FRMD5: variants seen among roughly 807,000 people sequenced by gnomAD.
FRMD5 encodes FERM domain containing 5, also known as FERM domain-containing protein 5.
A neutral mutation model predicts 69.0 loss-of-function variants in FRMD5; 20 were observed. That is an observed-to-expected ratio of 0.29 (90% CI 0.20 to 0.42). The LOEUF (loss-of-function observed/expected upper bound fraction) is 0.42, where lower values mean the gene tolerates loss of function less well. Among genes scored for constraint, FRMD5 ranks in the 10% least tolerant of loss-of-function variants. FRMD5 has a pLI of 1.00. For missense variants in FRMD5, 595 were observed against 708.6 expected, an observed-to-expected ratio of 0.84 and a Z score of 1.82; for synonymous variants, 271 against 260.1, an observed-to-expected ratio of 1.04 and a Z score of -0.40.
chr15:44,096,099 G>T (rs563815886), intron 1 of FRMD5, among the ~76,000 whole-genome samples: 2 of 151,234 alleles, frequency 1.3e-5, no homozygotes, highest in Non-Finnish European at 1.5e-5. Flanking sequence ...CAAGATATTC[G>T]GGAGGCTGAG....
chr15:44,025,271 T>G (rs1477118606), intron 1 of FRMD5, among the ~76,000 whole-genome samples: 1 of 152,186 alleles, frequency 6.6e-6, no homozygotes, highest in Non-Finnish European at 1.5e-5. Flanking sequence ...TATTGGAATG[T>G]AGACATGGGA....
At chr15:44,100,643 G>C (rs541529956) in intron 1 of FRMD5, among the ~76,000 whole-genome samples, 1 of 152,222 alleles carries the variant, frequency 6.6e-6, no homozygotes, top group South Asian at 2.1e-4. Flanking sequence ...TGTAACAACA[G>C]AAAGTGACAA....
At chr15:43,909,077 C>T (rs1301269706) in intron 5 of FRMD5, among the ~76,000 whole-genome samples, 1 of 151,966 alleles carries the variant, frequency 6.6e-6, no homozygotes, top group Non-Finnish European at 1.5e-5. Flanking sequence ...TCAGTGTTTT[C>T]TGGCTCTAGG....
rs576014246 is a variant in FRMD5 at position 44,032,642 on chromosome 15, C to A, written c.103-108333G>T. Among the ~76,000 whole-genome samples the A allele has an allele frequency of 3.9e-5, 6 of 152,244 alleles. No homozygotes were observed. The East Asian group carries it at 9.6e-4, about 24-fold the overall frequency. On this transcript the variant is annotated intron_variant, in intron 1 of 13. Coordinates refer to ENST00000417257, the MANE Select transcript of FRMD5 (RefSeq NM_032892.5). ...ATCATTAGAGAAATGCAAATCAGAA[C>A]CACAAGGAGATACCATCTCACACCA...
intron 8 of FRMD5, among the ~76,000 whole-genome samples, chr15:43,891,537 C>T (rs912129516): frequency 3.3e-5 from 5 of 152,156 alleles, no homozygotes; most frequent in African/African-American, 9.7e-5. Flanking sequence ...TTATATCTGC[C>T]CCAGAGGTCA....
At chr15:44,121,851 C>T (rs1406204954) in intron 1 of FRMD5, among the ~76,000 whole-genome samples, 3 of 151,230 alleles carry the variant, frequency 2.0e-5, no homozygotes, top group Non-Finnish European at 3.0e-5. Context: ...AAAAATTAGC[C>T]GGGCATGGTA....
intron 1 of FRMD5, among the ~76,000 whole-genome samples, chr15:43,932,089 G>A (rs1386032825): frequency 6.6e-6 from 1 of 152,144 alleles, no homozygotes; most frequent in African/African-American, 2.4e-5. Context: ...ATGACTGTGG[G>A]GCTAAAATCA....
Position 43,873,139 on chromosome 15 carries a change from C to T in FRMD5, c.*746G>A. 2.0e-6 allele frequency: 3 copies of T among 1,534,028 alleles called. No individual in the cohort carries two copies. Among genetic ancestry groups the T allele is most frequent in the Non-Finnish European group, 2.6e-6 (3 of 1,132,750 alleles). On this transcript the variant is annotated 3_prime_UTR_variant, in exon 14 of 14. Coordinates refer to ENST00000417257, the MANE Select transcript of FRMD5 (RefSeq NM_032892.5). ...CATTATACAAAACTATGGTGATGCC[C>T]ACTAGGCTCTAGACTAAGGGGACAG...
chr15:43,888,941 G>C, intron 8 of FRMD5, 69 bp from the exon 9 acceptor site: 1 of 1,368,172 alleles, frequency 7.3e-7, no homozygotes. Context: ...TCTTGTAGAT[G>C]CACAGCCCAC....
At chr15:43,951,388 C>G (rs1052772505) in intron 1 of FRMD5, among the ~76,000 whole-genome samples, 4 of 149,604 alleles carry the variant, frequency 2.7e-5, no homozygotes, top group Non-Finnish European at 4.4e-5. Flanking sequence ...CGCCACTGCA[C>G]TCCAGCCTGG....
intron 1 of FRMD5, among the ~76,000 whole-genome samples, chr15:44,057,227 C>A (rs930646129): frequency 1.3e-5 from 2 of 151,662 alleles, no homozygotes; most frequent in Admixed American, 1.3e-4. Flanking sequence ...GGGGTTCAAG[C>A]GATTCTCCTG....
intron 8 of FRMD5, among the ~76,000 whole-genome samples, chr15:43,891,064 C>T (rs551987124): frequency 6.6e-6 from 1 of 152,332 alleles, no homozygotes; most frequent in Non-Finnish European, 1.5e-5. Context: ...AGCCACTTAT[C>T]TAAGCCCCTA....
At chr15:43,890,653 C>T (rs1418581747) in intron 8 of FRMD5, among the ~76,000 whole-genome samples, 2 of 152,190 alleles carry the variant, frequency 1.3e-5, no homozygotes, top group African/African-American at 4.8e-5. Context: ...CTCACATCTT[C>T]ACCCAGAGAG....
chr15:44,128,066 T>C (rs2077047613), intron 1 of FRMD5, among the ~76,000 whole-genome samples: 1 of 152,158 alleles, frequency 6.6e-6, no homozygotes, highest in African/African-American at 2.4e-5. Flanking sequence ...GCCCCCACCG[T>C]ACAGACAGAA....
Position 44,194,902 on chromosome 15 carries a change from C to T in FRMD5, c.102+51G>A, listed in dbSNP as rs558409241. 7.6e-6 allele frequency: 11 copies of T among 1,456,738 alleles called. No homozygotes were observed. The South Asian group carries it at 9.8e-5, about 13-fold the overall frequency. The allele number at this position is 1,456,738 out of a possible 1,614,324, so 90.2% of individuals were successfully genotyped here. A position where few individuals can be genotyped will look rare whatever the true frequency, so the allele number is the denominator to read the frequency against. On this transcript the variant is annotated intron_variant, in intron 1 of 13. Coordinates refer to ENST00000417257, the MANE Select transcript of FRMD5 (RefSeq NM_032892.5). Reference sequence around the variant, plus strand: ...GCCGCCGCCGGCCAAGTTGACCAGACTTGGGGGACAAGGGGGTCCCGCGGG... The same window carrying T: ...GCCGCCGCCGGCCAAGTTGACCAGATTTGGGGGACAAGGGGGTCCCGCGGG...
chr15:44,098,190 T>C (rs2076583227), intron 1 of FRMD5, among the ~76,000 whole-genome samples: 1 of 151,672 alleles, frequency 6.6e-6, no homozygotes, highest in South Asian at 2.1e-4. Flanking sequence ...TGTTACTCTC[T>C]GTCACCTGAC....
intron 6 of FRMD5, 44 bp from the exon 7 acceptor site, chr15:43,902,306 A>T: frequency 6.7e-7 from 1 of 1,494,780 alleles, no homozygotes; most frequent in Non-Finnish European, 9.3e-7. Context: ...TCTTGTTCCC[A>T]CAGGTTCCCC....
At chr15:43,944,338 T>C (rs1297254150) in intron 1 of FRMD5, among the ~76,000 whole-genome samples, 1 of 152,246 alleles carries the variant, frequency 6.6e-6, no homozygotes, top group Non-Finnish European at 1.5e-5. Context: ...AACCCATTAA[T>C]CCATTAACCC....
chr15:43,873,305 C>T lies in FRMD5; in HGVS notation c.*580G>A. On this transcript the variant is annotated 3_prime_UTR_variant, in exon 14 of 14. Coordinates refer to ENST00000417257, the MANE Select transcript of FRMD5 (RefSeq NM_032892.5). ...AGCAACTTTCCATTTAATCATTCTA[C>T]ATGGATGTTTACTTTTTTAAAAGTT... 2 of 1,517,472 alleles carry T rather than the reference C, an allele frequency of 1.3e-6. No homozygotes were observed. The highest frequency in any genetic ancestry group is 2.5e-5 in the South Asian group (2 of 79,414). The allele number at this position is 1,517,472 out of a possible 1,614,324, so 94.0% of individuals were successfully genotyped here.
Sources: allele counts gnomAD v4.1 joint callset (sites outside exome capture counted in the v4.1 genomes callset), GRCh38; gene constraint gnomAD v4.1.1; transcripts MANE v1.5; gene names NCBI Gene and HGNC (gene_info 2026-07-23, HGNC 2026-07-21).